Variants in RIMBP2 observed in about 807,000 individuals in gnomAD.
RIMBP2 encodes RIMS-binding protein 2.
In RIMBP2, 48 loss-of-function variants were observed where a neutral mutation model predicts 118.6. The observed-to-expected ratio is 0.40, with a 90% CI of 0.32 to 0.51. The LOEUF (loss-of-function observed/expected upper bound fraction) is 0.51. Among genes scored for constraint, RIMBP2 ranks in the 20% least tolerant of loss-of-function variants. RIMBP2 has a pLI of 0.41. For missense variants in RIMBP2, 1,551 were observed against 1,768.3 expected (o/e 0.88, Z 2.20); for synonymous variants, 762 against 742.9 (o/e 1.03, Z -0.42).
chr12:130,476,595 C>T (rs1395969894), intron 5 of RIMBP2, among the ~76,000 whole-genome samples: 1 of 152,208 alleles, frequency 6.6e-6, no homozygotes, highest in Admixed American at 6.5e-5. Context: ...CCAAGGGGGC[C>T]TGTGTGTGCT....
intron 2 of RIMBP2, among the ~76,000 whole-genome samples, chr12:130,583,730 G>C (rs111164545): frequency 8.4e-3 from 327 of 38,798 alleles, no homozygotes; most frequent in Admixed American, 9.0e-3. Flanking sequence ...TCATCACCAC[G>C]ACCCCCATCA....
chr12:130,399,038 C>G (rs570643823), intron 22 of RIMBP2: 23 of 685,742 alleles, frequency 3.4e-5, no homozygotes, highest in African/African-American at 2.6e-4. Flanking sequence ...CACAATGAAG[C>G]CTTAAGTCTA....
At chr12:130,551,811 A>T (rs1202528144) in intron 2 of RIMBP2, among the ~76,000 whole-genome samples, 1 of 152,256 alleles carries the variant, frequency 6.6e-6, no homozygotes, top group Admixed American at 6.5e-5. Flanking sequence ...ACTTAGAGGT[A>T]ATTCTTTTCC....
intron 2 of RIMBP2, among the ~76,000 whole-genome samples, chr12:130,530,382 T>A (rs1007093364): frequency 1.3e-5 from 2 of 152,208 alleles, no homozygotes; most frequent in East Asian, 3.8e-4. Context: ...GACTATACAA[T>A]GCATAGTAAT....
At chr12:130,687,224 T>C (rs1276059728) in intron 1 of RIMBP2, among the ~76,000 whole-genome samples, 1 of 152,184 alleles carries the variant, frequency 6.6e-6, no homozygotes, top group Non-Finnish European at 1.5e-5. Flanking sequence ...GTATCACTGG[T>C]CACATCCAAG....
rs1035464413 is a variant in RIMBP2 at position 130,648,167 on chromosome 12, C to A, written c.-351-19711G>T. The stretch of plus-strand genomic sequence containing the variant: ...ACATCTTTCTTTTCTAAATTTTCAA[C>A]AGTAAATACTAAAGATGAAAAAATG... On this transcript the variant is annotated intron_variant, in intron 1 of 22. Coordinates refer to ENST00000690449, the MANE Select transcript of RIMBP2 (RefSeq NM_001393629.1). Among the ~76,000 whole-genome samples, 6 of 145,480 alleles carry A rather than the reference C, an allele frequency of 4.1e-5. 1 individual carries two copies. Among genetic ancestry groups the A allele is most frequent in the African/African-American group, 1.5e-4 (6 of 40,242 alleles).
intron 21 of RIMBP2, among the ~76,000 whole-genome samples, chr12:130,401,908 C>T (rs560195666): frequency 1.3e-4 from 20 of 152,086 alleles, no homozygotes; most frequent in Non-Finnish European, 1.9e-4. Flanking sequence ...CACACATCTC[C>T]GCTGGTGTCA....
intron 2 of RIMBP2, among the ~76,000 whole-genome samples, chr12:130,604,204 T>C (rs2060030217): frequency 1.3e-5 from 2 of 151,206 alleles, no homozygotes; most frequent in Middle Eastern, 3.4e-3. Flanking sequence ...AATAAGGATA[T>C]AAAGAAAAGG....
intron 2 of RIMBP2, among the ~76,000 whole-genome samples, chr12:130,520,928 C>T (rs1214816455): frequency 6.6e-6 from 1 of 152,208 alleles, no homozygotes; most frequent in Non-Finnish European, 1.5e-5. Flanking sequence ...GTTGTCCATG[C>T]TTACCCTGAA....
intron 1 of RIMBP2, among the ~76,000 whole-genome samples, chr12:130,663,311 G>A (rs2063739734): frequency 6.6e-6 from 1 of 152,226 alleles, no homozygotes; most frequent in South Asian, 2.1e-4. Context: ...GACAGCCTGG[G>A]AGGGGGCCAG....
intron 9 of RIMBP2, among the ~76,000 whole-genome samples, chr12:130,449,418 G>T (rs1386164964): frequency 2.0e-5 from 3 of 152,230 alleles, no homozygotes; most frequent in African/African-American, 7.2e-5. Flanking sequence ...ACCTCTCAGC[G>T]AGCACAAACA....
At chr12:130,452,320 C>T (rs2079069106) in intron 7 of RIMBP2, among the ~76,000 whole-genome samples, 1 of 152,170 alleles carries the variant, frequency 6.6e-6, no homozygotes, top group Admixed American at 6.5e-5. Flanking sequence ...CCCTAGGAGC[C>T]GCCCCTAGCA....
At chr12:130,631,715 T>G (rs552822005) in intron 1 of RIMBP2, among the ~76,000 whole-genome samples, 7 of 152,324 alleles carry the variant, frequency 4.6e-5, no homozygotes, top group Non-Finnish European at 8.8e-5. Flanking sequence ...TGGCAATTTT[T>G]ACTATTATTT....
chr12:130,437,423 C>T, intron 12 of RIMBP2, 132 bp from the exon 13 acceptor site: 2 of 731,544 alleles, frequency 2.7e-6, no homozygotes, highest in Non-Finnish European at 4.5e-6. Flanking sequence ...ACTCCAACCA[C>T]CCGCCAGGTA....
chr12:130,707,819 G>A (rs1177224270), intron 1 of RIMBP2, among the ~76,000 whole-genome samples: 1 of 152,198 alleles, frequency 6.6e-6, no homozygotes, highest in African/African-American at 2.4e-5. Flanking sequence ...TGAAGGGAAA[G>A]TGGCGGATAT....
At chr12:130,436,624 T>C (rs1412207251) in intron 13 of RIMBP2, among the ~76,000 whole-genome samples, 1 of 152,196 alleles carries the variant, frequency 6.6e-6, no homozygotes, top group African/African-American at 2.4e-5. Context: ...GGCATTTCCT[T>C]AGTTATGTGG....
intron 8 of RIMBP2, 57 bp downstream of exon 8, chr12:130,451,138 C>A: frequency 6.3e-7 from 1 of 1,575,774 alleles, no homozygotes; most frequent in Non-Finnish European, 8.7e-7. Flanking sequence ...GGCCAACGTC[C>A]ACACCAGACA....
intron 19 of RIMBP2, 40 bp from the exon 20 acceptor site, chr12:130,407,869 T>C: frequency 1.3e-6 from 2 of 1,575,958 alleles, no homozygotes. Context: ...CATCATGAGG[T>C]TATTTCAAAC....
intron 1 of RIMBP2, among the ~76,000 whole-genome samples, chr12:130,661,589 T>TG (rs1178636704): frequency 6.6e-6 from 1 of 152,168 alleles, no homozygotes; most frequent in Non-Finnish European, 1.5e-5. Context: ...TGCAGTGCTG[T>TG]GGTGTGTGTA....
Sources: gnomAD v4.1 joint callset for allele counts (sites outside exome capture counted in the v4.1 genomes callset) on GRCh38, gnomAD v4.1.1 for gene constraint, MANE v1.5 for transcripts, NCBI Gene and HGNC (gene_info 2026-07-23, HGNC 2026-07-21) for gene names.